Variants in ANKRD54 observed in about 807,000 individuals in gnomAD.
The protein encoded by ANKRD54 is ankyrin repeat domain 54.
ANKRD54 carries 26 observed loss-of-function variants against 36.2 expected under a neutral mutation model. The observed-to-expected ratio is 0.72, with a 90% CI of 0.53 to 1.00. ANKRD54 has a LOEUF of 1.00. Among genes scored for constraint, ANKRD54 ranks in the 50% least tolerant of loss-of-function variants. ANKRD54 has a pLI of 0.00. For synonymous variants in ANKRD54, 209 were observed against 188.4 expected (o/e 1.11, Z -0.89); for missense variants, 384 against 424.3 (o/e 0.91, Z 0.83).
At chr22:37,833,262 G>A (rs979876731) in intron 4 of ANKRD54, 56 bp from the exon 5 acceptor site, 31 of 1,596,884 alleles carry the variant, frequency 1.9e-5, no homozygotes, top group Admixed American at 7.0e-5. Flanking sequence ...CTGGCTCTGC[G>A]TGGCCACTGG....
chr22:37,844,112 C>G lies in ANKRD54; in HGVS notation c.127G>C (p.Gly43Arg). 6.7e-7 allele frequency: 1 copy of G among 1,488,096 alleles called. No homozygotes were observed. Among genetic ancestry groups the G allele is most frequent in the South Asian group, 1.3e-5 (1 of 79,122 alleles). The allele number at this position is 1,488,096 out of a possible 1,614,324, so 92.2% of individuals were successfully genotyped here. ...GCGCCGCCGCCGCCCAGCGCAGACC[C>G]GAAGTCAGCGAAGGAGAAGAGGCCC... ...AEGLFSFADF[G>R]SALGGGGAGL... Residue 43 changes from glycine (G) to arginine (R), a missense_variant, in exon 1 of 8, where the codon GGG (glycine) becomes CGG (arginine). Physicochemically the swap from Gly to Arg is moderately radical, Grantham distance 125 (BLOSUM62 -2). Coordinates refer to ENST00000215941, the MANE Select transcript of ANKRD54 (RefSeq NM_138797.4).
upstream of ANKRD54, chr22:37,849,251 C>T: frequency 1.5e-6 from 1 of 650,102 alleles, no homozygotes; most frequent in Non-Finnish European, 2.8e-6. Flanking sequence ...CTCGGCCTCC[C>T]AAACTGGTGG....
upstream of ANKRD54, chr22:37,849,264 T>C: frequency 2.8e-6 from 2 of 720,546 alleles, no homozygotes; most frequent in Non-Finnish European, 2.5e-6. Context: ...ACTGGTGGGG[T>C]TACAGGTGTG....
rs139812020 is a variant in ANKRD54 at position 37,843,013 on chromosome 22, A to G, written c.328+898T>C. On this transcript the variant is annotated intron_variant, in intron 1 of 7. Transcript: ENST00000215941. ...AAGTGGGAACAATTTCTATGTCTCA[A>G]AGAGTTCTTGTGAGGACAGATGATC... 5.6e-4 allele frequency among the ~76,000 whole-genome samples: 86 copies of G among 152,394 alleles called. 6 individuals carry two copies. In the East Asian group the frequency reaches 0.016, roughly 28 times the overall value.
chr22:37,844,564 T>A (rs1924715142), upstream of ANKRD54: 1 of 311,292 alleles, frequency 3.2e-6, no homozygotes. Flanking sequence ...TGTACGTCGC[T>A]ACCGGAGCCA....
intron 1 of ANKRD54, among the ~76,000 whole-genome samples, chr22:37,841,659 C>A (rs1198015621): frequency 6.6e-6 from 1 of 151,656 alleles, no homozygotes; most frequent in Non-Finnish European, 1.5e-5. Flanking sequence ...ACCAGCCTGG[C>A]CAATAAGGTG....
chr22:37,831,982 G>T lies in ANKRD54; in HGVS notation c.864C>A (p.Thr288=). 1 of 1,613,686 alleles carries T rather than the reference G, an allele frequency of 6.2e-7. No homozygotes were observed. Among genetic ancestry groups the T allele is most frequent in the African/African-American group, 1.3e-5 (1 of 75,040 alleles). The change falls in exon 8 of 8, where the codon ACC becomes ACA. Residue 288 remains threonine, a synonymous_variant. Transcript: ENST00000215941. The part of the protein sequence containing the change: ...DEVTDLLASF[T]SLSLQMQSME... The stretch of plus-strand genomic sequence containing the variant: ...TGCTCTGCATCTGCAGACTGAGGGA[G>T]GTGAAGCTGGCCAGGAGGTCAGTCA...
At position 37,840,097 on chromosome 22, in the gene ANKRD54, A is replaced by C. The variant is rs994329174; in HGVS notation, c.376+90T>G. The C allele has an allele frequency of 2.7e-6, 4 of 1,469,932 alleles. No homozygotes were observed. The African/African-American group carries it at 4.2e-5, about 15-fold the overall frequency. 91.1% of individuals were successfully genotyped at this position (1,469,932 alleles called of 1,614,324 possible). A position where few individuals can be genotyped will look rare whatever the true frequency, so the allele number is the denominator to read the frequency against. ...GCCTGCTCCAAGGGCGTGAGTTTGCAGACTGCCTTCCCACATATTGATTAC... is the reference window on the plus strand; with the variant it reads ...GCCTGCTCCAAGGGCGTGAGTTTGCCGACTGCCTTCCCACATATTGATTAC... On this transcript the variant is annotated intron_variant, in intron 2 of 7. Coordinates refer to ENST00000215941, the MANE Select transcript of ANKRD54 (RefSeq NM_138797.4).
intron 2 of ANKRD54, among the ~76,000 whole-genome samples, chr22:37,839,481 AG>A (rs1923959202): frequency 6.6e-6 from 1 of 152,100 alleles, no homozygotes; most frequent in Admixed American, 6.6e-5. Context: ...TCTGTCTCCC[AG>A]GTTCACACCA....
Position 37,844,153 on chromosome 22 carries a change from G to C in ANKRD54, c.86C>G (p.Pro29Arg). ...GAAGAGGCCCTCAGCGTCAGTCAGC[G>C]GCTCCGGCGCCACCGCGCACTCGCC... ...SEGECAVAPE[P>R]LTDAEGLFSF... Residue 29 changes from proline to arginine, a missense_variant, in exon 1 of 8, where the codon CCG (proline) becomes CGG (arginine). Transcript: ENST00000215941. 6.7e-7 allele frequency: 1 copy of C among 1,497,796 alleles called. No homozygotes were observed. Among genetic ancestry groups the C allele is most frequent in the South Asian group, 1.2e-5 (1 of 80,032 alleles). The allele number at this position is 1,497,796 out of a possible 1,614,324, so 92.8% of individuals were successfully genotyped here.
rs1402687710 is a variant in ANKRD54 at position 37,833,755 on chromosome 22, A to G, written c.476T>C (p.Val159Ala). 1 of 1,613,866 alleles carries G rather than the reference A, an allele frequency of 6.2e-7. No individual in the cohort carries two copies. The highest frequency in any genetic ancestry group is 8.5e-7 in the Non-Finnish European group (1 of 1,179,892). The change falls in exon 4 of 8, where the codon GTG becomes GCG. Residue 159 changes from valine to alanine, a missense_variant and splice_region_variant. Transcript: ENST00000215941. The stretch of plus-strand genomic sequence containing the variant: ...AGCACCATGGTCCAGGAGCAGCTGC[A>G]CTGGAAACAGGCAAACCCAAGAGGA... ...FASCNGNDQIVQLLLDHGADP... is the reference protein window; with the variant it reads ...FASCNGNDQIAQLLLDHGADP...
chr22:37,844,327 AGCGAGCTGGCGGGCGGGCAGGG>A, exon 1 of ANKRD54: 1 of 1,431,886 alleles, frequency 7.0e-7, no homozygotes, highest in Non-Finnish European at 9.3e-7. Context: ...TCGTGCTGTC[AGCGAGCTGGCGGGCGGGCAGGG>A]CCCGCAACCA....
intron 2 of ANKRD54, 100 bp from the exon 3 acceptor site, chr22:37,838,698 G>T: frequency 8.5e-7 from 1 of 1,182,820 alleles, no homozygotes; most frequent in Non-Finnish European, 1.2e-6. Flanking sequence ...GGTGCCTCTA[G>T]ACAAGACATC....
chr22:37,844,207 T>C lies in ANKRD54; in HGVS notation c.32A>G (p.Glu11Gly). The change falls in exon 1 of 8, where the codon GAG becomes GGG. Residue 11 changes from glutamate (E) to glycine (G), a missense_variant. Glu to Gly is a moderately conservative substitution (Grantham distance 98, BLOSUM62 -2). Around this residue, in one of 3 missense-constraint regions of ANKRD54, gnomAD observed 195 missense variants for 177.7 expected, o/e 1.10. Coordinates refer to ENST00000215941, the MANE Select transcript of ANKRD54 (RefSeq NM_138797.4). Reference protein sequence around the residue: MAAAAGDADDEPRSGHSSSEG... With the variant: MAAAAGDADDGPRSGHSSSEG... ...CGAGCTCGAGTGGCCTGAGCGCGGCTCGTCGTCCGCGTCCCCGGCGGCGGC... is the reference window on the plus strand; with the variant it reads ...CGAGCTCGAGTGGCCTGAGCGCGGCCCGTCGTCCGCGTCCCCGGCGGCGGC... The C allele has an allele frequency of 6.6e-7, 1 of 1,523,052 alleles. No individual in the cohort carries two copies. Among genetic ancestry groups the C allele is most frequent in the East Asian group, 2.7e-5 (1 of 37,276 alleles). The allele number at this position is 1,523,052 out of a possible 1,614,324, so 94.3% of individuals were successfully genotyped here. A position where few individuals can be genotyped will look rare whatever the true frequency, so the allele number is the denominator to read the frequency against.
Position 37,832,944 on chromosome 22 carries a change from G to C in ANKRD54, c.720+14C>G, listed in dbSNP as rs1448373003. 3 of 1,613,004 alleles carry C rather than the reference G, an allele frequency of 1.9e-6. No individual in the cohort carries two copies. The highest frequency in any genetic ancestry group is 1.7e-5 in the Admixed American group (1 of 60,012). On this transcript the variant is annotated intron_variant, in intron 6 of 7. Coordinates refer to ENST00000215941, the MANE Select transcript of ANKRD54 (RefSeq NM_138797.4). ...GCCTTGGTGCCGTGGTCTCCACACAGAAGGGGTACTCACCTGCTTCACCTC... is the reference window on the plus strand; with the variant it reads ...GCCTTGGTGCCGTGGTCTCCACACACAAGGGGTACTCACCTGCTTCACCTC...
chr22:37,844,051 G>C lies in ANKRD54; in HGVS notation c.188C>G (p.Ser63Trp). 1 of 1,436,782 alleles carries C rather than the reference G, an allele frequency of 7.0e-7. No individual in the cohort carries two copies. Among genetic ancestry groups the C allele is most frequent in the South Asian group, 1.4e-5 (1 of 72,358 alleles). 89.0% of individuals were successfully genotyped at this position (1,436,782 alleles called of 1,614,324 possible). ...CAGGACGTGCAAGTAGCGCAGCGGCGACTGGGCCCCGCCGGACGCCCGGCC... is the reference window on the plus strand; with the variant it reads ...CAGGACGTGCAAGTAGCGCAGCGGCCACTGGGCCCCGCCGGACGCCCGGCC... ...LSGRASGGAQ[S>W]PLRYLHVLWQ... The change falls in exon 1 of 8, where the codon TCG becomes TGG. Residue 63 changes from serine (S) to tryptophan (W), a missense_variant. Ser to Trp is a radical substitution (Grantham distance 177). Transcript: ENST00000215941.
intron 3 of ANKRD54, among the ~76,000 whole-genome samples, chr22:37,836,364 T>G (rs1216498095): frequency 6.8e-6 from 1 of 146,714 alleles, no homozygotes; most frequent in African/African-American, 2.5e-5. Context: ...GAGAATCACT[T>G]TAACCCGGGA....
At chr22:37,843,328 C>G (rs1242800024) in intron 1 of ANKRD54, among the ~76,000 whole-genome samples, 2 of 152,112 alleles carry the variant, frequency 1.3e-5, no homozygotes, top group Admixed American at 1.3e-4. Context: ...GAGGCTGAGG[C>G]AGGAGAATCG....
At chr22:37,832,337 T>C (rs564497289) in intron 7 of ANKRD54, among the ~76,000 whole-genome samples, 1 of 144,826 alleles carries the variant, frequency 6.9e-6, no homozygotes, top group Non-Finnish European at 1.5e-5. Flanking sequence ...CTTGCTCTGG[T>C]TTTTTTTTTT....
Sources: gnomAD v4.1 joint callset for allele counts (sites outside exome capture counted in the v4.1 genomes callset) on GRCh38, gnomAD v4.1.1 for gene constraint, gnomAD v4.1.1 regional missense constraint, MANE v1.5 for transcripts, NCBI Gene and HGNC (gene_info 2026-07-23, HGNC 2026-07-21) for gene names.